ROBO2: variants seen among roughly 807,000 people sequenced by gnomAD.
The protein encoded by ROBO2 is roundabout guidance receptor 2, also known as roundabout homolog 2.
A neutral mutation model predicts 160.8 loss-of-function variants in ROBO2; 53 were observed. The observed-to-expected ratio is 0.33, with a 90% confidence interval of 0.26 to 0.41. ROBO2 has a LOEUF of 0.41. ROBO2 is among the 10% of genes least tolerant of loss of function. The pLI is 1.00. For synonymous variants in ROBO2, 664 were observed against 611.7 expected, an observed-to-expected ratio of 1.09 and a Z score of -1.26; for missense variants, 1,577 against 1,722.4, an observed-to-expected ratio of 0.92 and a Z score of 1.49.
chr3:75,986,004 G>C (rs749099354), intron 2 of ROBO2, among the ~76,000 whole-genome samples: 12 of 151,560 alleles, frequency 7.9e-5, no homozygotes, highest in Non-Finnish European at 1.6e-4. Context: ...TGCTGTGAAC[G>C]TGTGTACAAA....
chr3:77,420,307 T>C (rs2077600993), intron 2 of ROBO2, among the ~76,000 whole-genome samples: 1 of 152,116 alleles, frequency 6.6e-6, no homozygotes, highest in African/African-American at 2.4e-5. Context: ...ATGACCTATT[T>C]GTAAATTCTT....
chr3:77,063,865 T>A (rs1458983514), intron 1 of ROBO2, among the ~76,000 whole-genome samples: 2 of 152,196 alleles, frequency 1.3e-5, no homozygotes, highest in Admixed American at 1.3e-4. Context: ...CTACTTATCA[T>A]CTCCTGAACA....
At chr3:76,664,630 C>G (rs2091954374) in intron 2 of ROBO2, among the ~76,000 whole-genome samples, 1 of 152,086 alleles carries the variant, frequency 6.6e-6, no homozygotes, top group Non-Finnish European at 1.5e-5. Flanking sequence ...TTTTAAAAAG[C>G]TATGTGGGTT....
chr3:77,394,274 A>C (rs1332961823), intron 2 of ROBO2, among the ~76,000 whole-genome samples: 5 of 152,062 alleles, frequency 3.3e-5, no homozygotes, highest in Admixed American at 6.6e-5. Context: ...CATTTGACCC[A>C]TTTCTGATTA....
At position 77,408,715 on chromosome 3, in the gene ROBO2, T is replaced by A. The variant is rs927412137; in HGVS notation, c.389-68699T>A. On this transcript the variant is annotated intron_variant, in intron 2 of 25. Coordinates refer to ENST00000461745, the Ensembl canonical transcript of ROBO2. ...TTCTTCTGTTCCATCTTTTTATTTATTTGTCTGTTTTATTATTTTTTTAGA... is the reference window on the plus strand; with the variant it reads ...TTCTTCTGTTCCATCTTTTTATTTAATTGTCTGTTTTATTATTTTTTTAGA... Among the ~76,000 whole-genome samples the A allele has an allele frequency of 3.0e-4, 46 of 152,216 alleles. 2 individuals carry two copies. The East Asian group carries it at 8.7e-3, about 29-fold the overall frequency.
chr3:77,426,872 A>G, intron 2 of ROBO2, among the ~76,000 whole-genome samples: 1 of 152,242 alleles, frequency 6.6e-6, no homozygotes, highest in East Asian at 1.9e-4. Context: ...AAAATGATTA[A>G]AAATACAAAT....
intron 2 of ROBO2, among the ~76,000 whole-genome samples, chr3:76,747,703 C>G (rs185603941): frequency 6.6e-6 from 1 of 151,700 alleles, no homozygotes; most frequent in Non-Finnish European, 1.5e-5. Flanking sequence ...TGAGCTAAAA[C>G]ATGACTAAAT....
At chr3:77,521,220 C>T (rs1035537231) in intron 5 of ROBO2, among the ~76,000 whole-genome samples, 1 of 151,038 alleles carries the variant, frequency 6.6e-6, no homozygotes, top group African/African-American at 2.4e-5. Context: ...AGTATATTGC[C>T]AACTCTTACA....
At chr3:77,444,235 A>G (rs1164129912) in intron 2 of ROBO2, among the ~76,000 whole-genome samples, 1 of 152,178 alleles carries the variant, frequency 6.6e-6, no homozygotes, top group Non-Finnish European at 1.5e-5. Context: ...GTCTTTATGT[A>G]TTTTATTAGA....
At chr3:76,261,812 A>G (rs1283888228) in intron 2 of ROBO2, among the ~76,000 whole-genome samples, 2 of 152,080 alleles carry the variant, frequency 1.3e-5, no homozygotes, top group Admixed American at 6.6e-5. Flanking sequence ...AATTCCTGGT[A>G]TACTATTTAT....
chr3:76,471,618 C>T (rs989320254), intron 2 of ROBO2, among the ~76,000 whole-genome samples: 5 of 152,102 alleles, frequency 3.3e-5, no homozygotes, highest in Admixed American at 2.6e-4. Flanking sequence ...AATCTATTTT[C>T]AGTTCATGTG....
intron 2 of ROBO2, among the ~76,000 whole-genome samples, chr3:76,131,168 T>C (rs1016928409): frequency 6.6e-6 from 1 of 152,188 alleles, no homozygotes; most frequent in Non-Finnish European, 1.5e-5. Context: ...CTATTCCTTT[T>C]ACATAAGTGC....
intron 2 of ROBO2, among the ~76,000 whole-genome samples, chr3:76,881,695 A>G (rs2073349519): frequency 2.6e-5 from 4 of 152,374 alleles, no homozygotes; most frequent in African/African-American, 9.6e-5. Context: ...AGAAGTTCAT[A>G]GGTCAATAGT....
intron 2 of ROBO2, among the ~76,000 whole-genome samples, chr3:76,205,324 T>A (rs1702748288): frequency 1.3e-5 from 2 of 152,086 alleles, no homozygotes; most frequent in Non-Finnish European, 2.9e-5. Flanking sequence ...TGAGAGAGAA[T>A]AAGGCCAAGA....
chr3:75,974,921 T>C (rs1421454632), intron 2 of ROBO2, among the ~76,000 whole-genome samples: 1 of 151,598 alleles, frequency 6.6e-6, no homozygotes, highest in Non-Finnish European at 1.5e-5. Context: ...GATAGTATTT[T>C]TGATAAATTG....
chr3:76,222,892 C>T (rs1704059611), intron 2 of ROBO2, among the ~76,000 whole-genome samples: 1 of 151,928 alleles, frequency 6.6e-6, no homozygotes, highest in African/African-American at 2.4e-5. Flanking sequence ...GTAGCTGGGA[C>T]TGCAGGCACC....
At chr3:77,637,875 C>T (rs2095290245) in intron 24 of ROBO2, among the ~76,000 whole-genome samples, 1 of 151,900 alleles carries the variant, frequency 6.6e-6, no homozygotes, top group African/African-American at 2.4e-5. Flanking sequence ...AAGCTACCTC[C>T]TAGTTTAAAG....
chr3:76,984,427 A>C (rs987240627), intron 2 of ROBO2, among the ~76,000 whole-genome samples: 7 of 152,216 alleles, frequency 4.6e-5, no homozygotes, highest in African/African-American at 1.7e-4. Flanking sequence ...GAAAAAGTAC[A>C]AAAGGAAGAA....
intron 2 of ROBO2, among the ~76,000 whole-genome samples, chr3:76,742,611 T>A (rs185499349): frequency 2.8e-4 from 43 of 152,298 alleles, no homozygotes; most frequent in Admixed American, 2.2e-3. Context: ...TAAGACTGAT[T>A]TTTCACACAA....
Sources: gnomAD v4.1 joint callset for allele counts (sites outside exome capture counted in the v4.1 genomes callset) on GRCh38, gnomAD v4.1.1 for gene constraint, MANE v1.5 for transcripts, NCBI Gene and HGNC (gene_info 2026-07-23, HGNC 2026-07-21) for gene names.